Variants in DCLK1 observed in about 807,000 individuals in gnomAD.
DCLK1 encodes the protein doublecortin like kinase 1, also known as serine/threonine-protein kinase DCLK1.
In DCLK1, 16 loss-of-function variants were observed where a neutral mutation model predicts 86.2. The ratio of observed to expected loss-of-function variants is 0.19; its 90% CI spans 0.13 to 0.28. The LOEUF (loss-of-function observed/expected upper bound fraction) is 0.28, where lower values mean the gene tolerates loss of function less well. Ranked by LOEUF, DCLK1 falls within the 10% of genes least tolerant of loss-of-function variation. DCLK1 has a pLI of 1.00. For synonymous variants in DCLK1, 369 were observed against 370.5 expected, an observed-to-expected ratio of 1.00 and a Z score of 0.05; for missense variants, 590 against 940.2, an observed-to-expected ratio of 0.63 and a Z score of 4.87.
At chr13:35,799,948 G>A (rs1446032764) in intron 15 of DCLK1, among the ~76,000 whole-genome samples, 1 of 152,122 alleles carries the variant, frequency 6.6e-6, no homozygotes, top group Non-Finnish European at 1.5e-5. Context: ...GGGTAATAGG[G>A]TAAGGAAACA....
At chr13:35,778,094 T>C (rs945103376) in intron 16 of DCLK1, among the ~76,000 whole-genome samples, 2 of 152,230 alleles carry the variant, frequency 1.3e-5, no homozygotes, top group African/African-American at 2.4e-5. Flanking sequence ...GGAAGTGATC[T>C]GTTTCTCTCT....
chr13:36,052,409 A>G (rs1257549633), intron 3 of DCLK1, among the ~76,000 whole-genome samples: 1 of 152,178 alleles, frequency 6.6e-6, no homozygotes, highest in Non-Finnish European at 1.5e-5. Context: ...GAAAGGCAAT[A>G]TTCCTGGGTC....
chr13:35,966,855 C>A (rs1777399), intron 3 of DCLK1, among the ~76,000 whole-genome samples: 44,761 of 151,402 alleles, frequency 0.3, 7,559 homozygotes, highest in East Asian at 0.56. Context: ...CGCTCGCTAC[C>A]ACCTCCACCT....
At position 35,856,032 on chromosome 13, in the gene DCLK1, G is replaced by C. The variant is rs537984299; in HGVS notation, c.941-1439C>G. On this transcript the variant is annotated intron_variant, in intron 5 of 16. Coordinates refer to ENST00000360631, the MANE Select transcript of DCLK1 (RefSeq NM_001330071.2). ...GTTTTCCCAAAAACTTACAACCCTG[G>C]AAAGTGGGAAGCTCCTTGTTTTGTC... Among the ~76,000 whole-genome samples the C allele has an allele frequency of 5.3e-5, 8 of 152,290 alleles. No homozygotes were observed. In the East Asian group the frequency reaches 1.5e-3, roughly 29 times the overall value.
chr13:35,772,074 T>C lies in DCLK1; in HGVS notation c.*2461A>G, dbSNP rs3764062. ...TTAATGTTAGAAAGATTGCATTCCATCTGATTACTCAAGATTTCTACTTGA... is the reference window on the plus strand; with the variant it reads ...TTAATGTTAGAAAGATTGCATTCCACCTGATTACTCAAGATTTCTACTTGA... On this transcript the variant is annotated 3_prime_UTR_variant, in exon 17 of 17. Transcript: ENST00000360631. 0.21 allele frequency: 31,895 copies of C among 152,140 alleles called. 4,043 individuals are homozygous for C. The highest frequency in any genetic ancestry group is 0.34 in the East Asian group (1,770 of 5,158). The allele number at this position is 152,140 out of a possible 1,614,324, so 9.4% of individuals were successfully genotyped here. A position where few individuals can be genotyped will look rare whatever the true frequency, so the allele number is the denominator to read the frequency against.
chr13:35,915,134 C>T (rs1208870735), intron 4 of DCLK1, among the ~76,000 whole-genome samples: 1 of 152,176 alleles, frequency 6.6e-6, no homozygotes, highest in Non-Finnish European at 1.5e-5. Flanking sequence ...ATAATGCTAT[C>T]ATAGCAGGCA....
At chr13:35,928,485 G>A (rs536629208) in intron 4 of DCLK1, among the ~76,000 whole-genome samples, 5 of 152,076 alleles carry the variant, frequency 3.3e-5, no homozygotes, top group Admixed American at 3.3e-4. Flanking sequence ...CTTGCCCCCT[G>A]CAGCCTCCCC....
At chr13:35,909,614 T>G (rs1333226968) in intron 4 of DCLK1, among the ~76,000 whole-genome samples, 1 of 93,648 alleles carries the variant, frequency 1.1e-5, no homozygotes, top group African/African-American at 4.1e-5. Context: ...TGTGTGTGTG[T>G]GTGTGTGTGT....
At chr13:35,828,444 T>TTC in intron 8 of DCLK1, 137 bp from the exon 9 acceptor site, 1 of 711,966 alleles carries the variant, frequency 1.4e-6, no homozygotes, top group South Asian at 2.1e-5. Context: ...TCCTTTCCTT[T>TTC]TTTAAAAAAA....
chr13:36,083,991 G>T (rs1009197363), intron 3 of DCLK1, among the ~76,000 whole-genome samples: 1 of 151,980 alleles, frequency 6.6e-6, no homozygotes, highest in South Asian at 2.1e-4. Context: ...AATAGAAATC[G>T]GTCAAATTGA....
intron 4 of DCLK1, among the ~76,000 whole-genome samples, chr13:35,871,922 C>A (rs962509202): frequency 6.6e-6 from 1 of 152,186 alleles, no homozygotes; most frequent in African/African-American, 2.4e-5. Context: ...CCAGCCTGTG[C>A]CACCACATGA....
intron 3 of DCLK1, among the ~76,000 whole-genome samples, chr13:36,001,165 C>T (rs1445634051): frequency 6.6e-6 from 1 of 152,212 alleles, no homozygotes; most frequent in East Asian, 1.9e-4. Context: ...TCAGGCTGGT[C>T]TTGATCTCCT....
intron 15 of DCLK1, among the ~76,000 whole-genome samples, chr13:35,803,877 T>C (rs1212030869): frequency 1.3e-5 from 2 of 152,188 alleles, no homozygotes; most frequent in Admixed American, 1.3e-4. Flanking sequence ...TCTCCACCTC[T>C]ATGACCACGT....
intron 12 of DCLK1, among the ~76,000 whole-genome samples, chr13:35,810,122 C>A (rs1173301674): frequency 1.3e-5 from 2 of 152,162 alleles, no homozygotes; most frequent in African/African-American, 4.8e-5. Flanking sequence ...TCAGGCTGAC[C>A]TGAGTTCAAA....
intron 3 of DCLK1, among the ~76,000 whole-genome samples, chr13:35,983,059 C>T (rs576528256): frequency 4.6e-5 from 7 of 152,098 alleles, no homozygotes; most frequent in African/African-American, 1.2e-4. Flanking sequence ...CCACTGCACC[C>T]GACCATGAAT....
intron 3 of DCLK1, among the ~76,000 whole-genome samples, chr13:35,968,493 T>C (rs1878892655): frequency 6.6e-6 from 1 of 152,186 alleles, no homozygotes; most frequent in African/African-American, 2.4e-5. Context: ...TCAGATGAAG[T>C]TGCTCCTACT....
At chr13:36,105,052 T>G (rs746081057) in intron 3 of DCLK1, among the ~76,000 whole-genome samples, 1 of 152,204 alleles carries the variant, frequency 6.6e-6, no homozygotes, top group South Asian at 2.1e-4. Flanking sequence ...TTATGAGGTA[T>G]GCATTATTAT....
chr13:35,894,632 A>G (rs1024210611), intron 4 of DCLK1, among the ~76,000 whole-genome samples: 10 of 152,168 alleles, frequency 6.6e-5, no homozygotes, highest in African/African-American at 2.2e-4. Context: ...AGGGAAGACA[A>G]CGCCAGAAGG....
intron 3 of DCLK1, among the ~76,000 whole-genome samples, chr13:35,968,674 G>A (rs531693341): frequency 2.0e-5 from 3 of 152,122 alleles, no homozygotes; most frequent in African/African-American, 7.2e-5. Context: ...TCTCACAAAG[G>A]AGGGCTGCGA....
Sources: gnomAD v4.1 joint callset for allele counts (sites outside exome capture counted in the v4.1 genomes callset) on GRCh38, gnomAD v4.1.1 for gene constraint, MANE v1.5 for transcripts, NCBI Gene and HGNC (gene_info 2026-07-23, HGNC 2026-07-21) for gene names.